LRRC39: variants seen among roughly 807,000 people sequenced by gnomAD.
The protein encoded by LRRC39 is leucine rich repeat containing 39, also known as leucine-rich repeat-containing protein 39.
In LRRC39, 35 loss-of-function variants were observed where a neutral mutation model predicts 39.7. That is an observed-to-expected ratio of 0.88 (90% CI 0.67 to 1.17). The LOEUF (loss-of-function observed/expected upper bound fraction) is 1.17, where lower values mean the gene tolerates loss of function less well. Ranked by LOEUF, LRRC39 falls within the 50% of genes most tolerant of loss-of-function variation. The pLI is 0.00. For synonymous variants in LRRC39, 113 were observed against 134.1 expected (o/e 0.84, Z 1.09); for missense variants, 357 against 385.8 (o/e 0.93, Z 0.62).
chr1:100,150,525 TACA>T (rs1657889189), intron 9 of LRRC39: 4 of 152,340 alleles, frequency 2.6e-5, no homozygotes, highest in Middle Eastern at 3.4e-3. Flanking sequence ...TGATAAAATA[TACA>T]TACACACCCA....
intron 9 of LRRC39, chr1:100,150,420 T>C (rs1421192793): frequency 6.6e-6 from 1 of 152,184 alleles, no homozygotes; most frequent in East Asian, 1.9e-4. Context: ...TGTCAAGCAA[T>C]ACTAATTTGT....
chr1:100,149,360 A>C, intron 9 of LRRC39: 1 of 1,543,576 alleles, frequency 6.5e-7, no homozygotes, highest in East Asian at 2.5e-5. Context: ...TAATTAATGA[A>C]GTCACCTTCA....
intron 1 of LRRC39, among the ~76,000 whole-genome samples, chr1:100,173,619 T>C (rs569942466): frequency 2.0e-5 from 3 of 152,172 alleles, no homozygotes; most frequent in African/African-American, 7.2e-5. Context: ...GCTCTACCCA[T>C]TGCATAAAAG....
At chr1:100,163,756 A>T (rs1344002449) in intron 3 of LRRC39, among the ~76,000 whole-genome samples, 1 of 151,994 alleles carries the variant, frequency 6.6e-6, no homozygotes, top group African/African-American at 2.4e-5. Context: ...CAGGTCTCTA[A>T]TCGAAATTTT....
intron 1 of LRRC39, among the ~76,000 whole-genome samples, chr1:100,176,353 G>A (rs753265569): frequency 2.0e-5 from 3 of 152,116 alleles, no homozygotes; most frequent in African/African-American, 4.8e-5. Context: ...ACTTGAACCC[G>A]GGAGGCAGAG....
intron 1 of LRRC39, among the ~76,000 whole-genome samples, 189 bp from the exon 2 acceptor site, chr1:100,173,559 A>T (rs1659767948): frequency 6.6e-6 from 1 of 152,234 alleles, no homozygotes; most frequent in Non-Finnish European, 1.5e-5. Context: ...TTCATTTAAA[A>T]TTAGTAAAAG....
chr1:100,159,470 C>T (rs943620841), intron 4 of LRRC39, 55 bp from the exon 5 acceptor site: 19 of 1,348,676 alleles, frequency 1.4e-5, no homozygotes, highest in African/African-American at 4.5e-5. Flanking sequence ...TTTAGTATCA[C>T]GCCACCCTGA....
At chr1:100,157,559 A>G (rs1011003553) in intron 6 of LRRC39, among the ~76,000 whole-genome samples, 2 of 152,254 alleles carry the variant, frequency 1.3e-5, no homozygotes, top group African/African-American at 4.8e-5. Flanking sequence ...ATATGTATAT[A>G]CTGTGTTTTA....
chr1:100,167,161 A>G (rs1267556789), intron 3 of LRRC39, among the ~76,000 whole-genome samples: 1 of 152,188 alleles, frequency 6.6e-6, no homozygotes, highest in East Asian at 1.9e-4. Flanking sequence ...CCTCTGTGAA[A>G]GATTTCTTTA....
chr1:100,156,736 G>A (rs563073366), intron 6 of LRRC39, among the ~76,000 whole-genome samples: 9 of 152,268 alleles, frequency 5.9e-5, no homozygotes, highest in African/African-American at 2.2e-4. Context: ...CTAGCATTTT[G>A]CTAGGCAATT....
chr1:100,154,792 A>G (rs1655543570), intron 8 of LRRC39, among the ~76,000 whole-genome samples: 1 of 152,230 alleles, frequency 6.6e-6, no homozygotes, highest in African/African-American at 2.4e-5. Flanking sequence ...GACCTTTGAT[A>G]AACATCTAAA....
rs1659394958 is a variant in LRRC39, at chr1:100,168,430, C to T, written c.87G>A (p.Leu29=). ...TGTGTTGAAATTCCTTCTCTCGCTT[C>T]AGGTCTTCATTGAGTTTCTTTATTC... is the stretch of plus-strand genomic sequence containing the variant. The part of the protein sequence containing the change: ...EKRIKKLNED[L]KREKEFQHKL... The change falls in exon 3 of 10, where the codon CTG becomes CTA. Residue 29 remains leucine, a synonymous_variant. Transcript: ENST00000370137. 2 of 1,611,410 alleles carry T rather than the reference C, an allele frequency of 1.2e-6. No homozygotes were observed. Among genetic ancestry groups the T allele is most frequent in the South Asian group, 2.2e-5 (2 of 90,512 alleles).
At chr1:100,161,986 A>G (rs1310344330) in intron 3 of LRRC39, among the ~76,000 whole-genome samples, 1 of 152,174 alleles carries the variant, frequency 6.6e-6, no homozygotes, top group Non-Finnish European at 1.5e-5. Flanking sequence ...TGTTTCCAAA[A>G]TGGTTGCACC....
At chr1:100,150,537 C>T (rs1258020914) in intron 9 of LRRC39, 1 of 152,128 alleles carries the variant, frequency 6.6e-6, no homozygotes, top group Non-Finnish European at 1.5e-5. Context: ...CATACACACC[C>T]AAGAATTATC....
chr1:100,149,609 CAAT>C (rs1657754466), intron 9 of LRRC39: 2 of 520,962 alleles, frequency 3.8e-6, no homozygotes, highest in South Asian at 2.7e-5. Flanking sequence ...TAGGCACAAA[CAAT>C]AAGTATGTTC....
At chr1:100,178,375 G>A (rs962934366), upstream of LRRC39, 2 of 150,960 alleles carry the variant, frequency 1.3e-5, no homozygotes, top group African/African-American at 4.9e-5. Context: ...TGCAAAATAC[G>A]CTACAGACAT....
intron 3 of LRRC39, among the ~76,000 whole-genome samples, chr1:100,165,450 G>T (rs1659177540): frequency 6.6e-6 from 1 of 152,060 alleles, no homozygotes; most frequent in Non-Finnish European, 1.5e-5. Flanking sequence ...TCCTCTGCTT[G>T]ACCAGGATTG....
chr1:100,148,521 A>C lies in LRRC39; in HGVS notation c.*521T>G, dbSNP rs1657582627. On this transcript the variant is annotated 3_prime_UTR_variant, in exon 10 of 10. Coordinates refer to ENST00000370137, the MANE Select transcript of LRRC39 (RefSeq NM_144620.4). ...AAGCATGGGACAAAGTACTTAGTAC[A>C]TTATGGGTTAGTTAACAGTCTCTCA... 1 of 1,151,192 alleles carries C rather than the reference A, an allele frequency of 8.7e-7. No individual in the cohort carries two copies. Among genetic ancestry groups the C allele is most frequent in the Non-Finnish European group, 1.2e-6 (1 of 801,306 alleles). 71.3% of individuals were successfully genotyped at this position (1,151,192 alleles called of 1,614,324 possible).
chr1:100,166,871 C>T (rs112812032), intron 3 of LRRC39, among the ~76,000 whole-genome samples: 253 of 152,214 alleles, frequency 1.7e-3, no homozygotes, highest in African/African-American at 5.6e-3. Context: ...TTGCCAGCTG[C>T]CATGTAAGAT....
Sources: allele counts gnomAD v4.1 joint callset (sites outside exome capture counted in the v4.1 genomes callset), GRCh38; gene constraint gnomAD v4.1.1; transcripts MANE v1.5; gene names NCBI Gene and HGNC (gene_info 2026-07-23, HGNC 2026-07-21).